ST6GALNAC3: variants seen among roughly 807,000 people sequenced by gnomAD.
The protein encoded by ST6GALNAC3 is ST6 N-acetylgalactosaminide alpha-2,6-sialyltransferase 3, also known as alpha-N-acetylgalactosaminide alpha-2,6-sialyltransferase 3.
ST6GALNAC3 carries 25 observed loss-of-function variants against 32.7 expected under a neutral mutation model. The observed-to-expected ratio is 0.76, with a 90% CI of 0.56 to 1.07. The LOEUF is 1.07. Among genes scored for constraint, ST6GALNAC3 ranks in the 50% least tolerant of loss-of-function variants. ST6GALNAC3 has a pLI of 0.00. For missense variants in ST6GALNAC3, 355 were observed against 382.4 expected, an observed-to-expected ratio of 0.93 and a Z score of 0.60; for synonymous variants, 129 against 133.1, an observed-to-expected ratio of 0.97 and a Z score of 0.21.
chr1:76,463,044 T>C (rs1190048306), intron 3 of ST6GALNAC3, among the ~76,000 whole-genome samples: 1 of 152,198 alleles, frequency 6.6e-6, no homozygotes, highest in Non-Finnish European at 1.5e-5. Context: ...GTAAAAGCTA[T>C]TATAAAACTG....
intron 2 of ST6GALNAC3, among the ~76,000 whole-genome samples, chr1:76,390,692 G>A (rs1489520734): frequency 2.0e-5 from 3 of 152,218 alleles, no homozygotes; most frequent in Middle Eastern, 3.4e-3. Context: ...GTACCTCACA[G>A]CTCTCAGTGC....
chr1:76,542,449 A>G (rs973365585), intron 3 of ST6GALNAC3, among the ~76,000 whole-genome samples: 1 of 152,188 alleles, frequency 6.6e-6, no homozygotes, highest in African/African-American at 2.4e-5. Flanking sequence ...TTAATAATTC[A>G]TGCTCTAATT....
chr1:76,273,032 A>T (rs1477930346), intron 1 of ST6GALNAC3, among the ~76,000 whole-genome samples: 4 of 152,176 alleles, frequency 2.6e-5, no homozygotes, highest in African/African-American at 9.7e-5. Context: ...GCATTTATAA[A>T]TTTTTTTAAA....
At chr1:76,500,301 A>G (rs1022130591) in intron 3 of ST6GALNAC3, among the ~76,000 whole-genome samples, 6 of 152,148 alleles carry the variant, frequency 3.9e-5, no homozygotes, top group African/African-American at 1.4e-4. Flanking sequence ...ATATTTTTTC[A>G]GAGTACATTT....
chr1:76,299,166 G>A (rs552926608), intron 1 of ST6GALNAC3, among the ~76,000 whole-genome samples: 2 of 152,182 alleles, frequency 1.3e-5, no homozygotes, highest in South Asian at 2.1e-4. Flanking sequence ...ATGTGTTTTC[G>A]AAGTTTCATC....
rs141995685 is a variant in ST6GALNAC3 at position 76,092,157 on chromosome 1, A to G, written c.18+17273A>G. 6.1e-3 allele frequency among the ~76,000 whole-genome samples: 930 copies of G among 152,352 alleles called. 10 individuals carry two copies. The highest frequency in any genetic ancestry group is 0.021 in the African/African-American group (882 of 41,592). The stretch of plus-strand genomic sequence containing the variant: ...AACACAGGAAGAGATCTTCTTTCCT[A>G]TAGACCTTAAATAAAAATGTCTCTT... On this transcript the variant is annotated intron_variant, in intron 1 of 4. Coordinates refer to ENST00000328299, the MANE Select transcript of ST6GALNAC3 (RefSeq NM_152996.4).
intron 3 of ST6GALNAC3, among the ~76,000 whole-genome samples, chr1:76,530,135 A>G (rs749826753): frequency 3.3e-5 from 5 of 152,200 alleles, no homozygotes; most frequent in Non-Finnish European, 5.9e-5. Flanking sequence ...CAGAATCCAC[A>G]AACCTCGGTG....
chr1:76,575,466 T>G (rs1306857597), intron 3 of ST6GALNAC3, among the ~76,000 whole-genome samples: 1 of 152,120 alleles, frequency 6.6e-6, no homozygotes, highest in Non-Finnish European at 1.5e-5. Flanking sequence ...AATCCTGAGA[T>G]CCTCAAATAA....
At chr1:76,446,597 G>A (rs896834539) in intron 3 of ST6GALNAC3, among the ~76,000 whole-genome samples, 4 of 152,196 alleles carry the variant, frequency 2.6e-5, no homozygotes, top group Admixed American at 2.0e-4. Flanking sequence ...TGGTTTGACT[G>A]TGTCCCCACC....
intron 3 of ST6GALNAC3, among the ~76,000 whole-genome samples, chr1:76,481,698 AAAC>A (rs1659733561): frequency 6.6e-6 from 1 of 152,198 alleles, no homozygotes; most frequent in Admixed American, 6.6e-5. Flanking sequence ...GATTAAGGTT[AAAC>A]AACAAGATGA....
intron 1 of ST6GALNAC3, among the ~76,000 whole-genome samples, chr1:76,215,525 A>G (rs952931672): frequency 6.6e-6 from 1 of 152,078 alleles, no homozygotes; most frequent in Admixed American, 6.5e-5. Context: ...TAATTTGAGA[A>G]CCACTGGTTT....
At chr1:76,445,957 T>A (rs1656939815) in intron 3 of ST6GALNAC3, among the ~76,000 whole-genome samples, 1 of 152,202 alleles carries the variant, frequency 6.6e-6, no homozygotes, top group Non-Finnish European at 1.5e-5. Context: ...TCTATGAAAT[T>A]CCTGTGATGC....
chr1:76,196,352 CTGCTCCTCTGGGT>C (rs1179377448), intron 1 of ST6GALNAC3, among the ~76,000 whole-genome samples: 1 of 152,150 alleles, frequency 6.6e-6, no homozygotes, highest in African/African-American at 2.4e-5. Context: ...GATACTGATG[CTGCTCCTCTGGGT>C]AGCACACTAT....
At chr1:76,374,472 C>T (rs1457882435) in intron 2 of ST6GALNAC3, among the ~76,000 whole-genome samples, 4 of 152,170 alleles carry the variant, frequency 2.6e-5, no homozygotes, top group Admixed American at 6.5e-5. Context: ...AAAGCTGCAT[C>T]GCCTAATTTT....
chr1:76,556,336 A>C (rs1664922828), intron 3 of ST6GALNAC3, among the ~76,000 whole-genome samples: 1 of 152,066 alleles, frequency 6.6e-6, no homozygotes, highest in Non-Finnish European at 1.5e-5. Flanking sequence ...GCTGCTATCA[A>C]CATTCATGTA....
chr1:76,199,865 G>C (rs963731876), intron 1 of ST6GALNAC3, among the ~76,000 whole-genome samples: 1 of 152,150 alleles, frequency 6.6e-6, no homozygotes, highest in Non-Finnish European at 1.5e-5. Context: ...ACATTTTCTG[G>C]TCTGGCAACC....
intron 1 of ST6GALNAC3, among the ~76,000 whole-genome samples, chr1:76,257,604 C>A (rs1252044110): frequency 6.6e-6 from 1 of 152,100 alleles, no homozygotes; most frequent in Non-Finnish European, 1.5e-5. Context: ...TCTCTTATTA[C>A]TGTGTGTATC....
At chr1:76,248,510 C>T (rs1657436611) in intron 1 of ST6GALNAC3, among the ~76,000 whole-genome samples, 1 of 152,140 alleles carries the variant, frequency 6.6e-6, no homozygotes, top group Admixed American at 6.5e-5. Flanking sequence ...TTAGCTAATG[C>T]TTTTCTTTAA....
intron 3 of ST6GALNAC3, among the ~76,000 whole-genome samples, chr1:76,416,622 G>GTT (rs1431727778): frequency 6.9e-4 from 69 of 99,776 alleles, no homozygotes; most frequent in Admixed American, 8.2e-4. Flanking sequence ...AGTATTGTGG[G>GTT]TTTTGTTTTT....
Sources: gnomAD v4.1 joint callset for allele counts (sites outside exome capture counted in the v4.1 genomes callset) on GRCh38, gnomAD v4.1.1 for gene constraint, MANE v1.5 for transcripts, NCBI Gene and HGNC (gene_info 2026-07-23, HGNC 2026-07-21) for gene names.